SLCO1B1: variants seen among roughly 807,000 people sequenced by gnomAD.
SLCO1B1 encodes the protein solute carrier organic anion transporter family member 1B1.
A neutral mutation model predicts 70.1 loss-of-function variants in SLCO1B1; 81 were observed. The ratio of observed to expected loss-of-function variants is 1.16; its 90% CI spans 0.97 to 1.39. The LOEUF (loss-of-function observed/expected upper bound fraction) is 1.39, where lower values mean the gene tolerates loss of function less well. Ranked by LOEUF, SLCO1B1 falls within the 40% of genes most tolerant of loss-of-function variation. SLCO1B1 has a pLI of 0.00. For missense variants in SLCO1B1, 895 were observed against 799.6 expected, an observed-to-expected ratio of 1.12 and a Z score of -1.44; for synonymous variants, 283 against 271.5, an observed-to-expected ratio of 1.04 and a Z score of -0.42.
At chr12:21,182,406 T>C (rs186626404) in intron 7 of SLCO1B1, among the ~76,000 whole-genome samples, 7 of 152,284 alleles carry the variant, frequency 4.6e-5, no homozygotes, top group African/African-American at 1.2e-4. Context: ...AACGCAGCCA[T>C]AGGCGCCCAA....
chr12:21,217,733 A>G (rs1479849361), intron 12 of SLCO1B1, among the ~76,000 whole-genome samples: 1 of 152,188 alleles, frequency 6.6e-6, no homozygotes, highest in Admixed American at 6.5e-5. Flanking sequence ...ATAACATTCC[A>G]AAACTTTTAA....
chr12:21,175,812 C>T (rs910115662), intron 4 of SLCO1B1, among the ~76,000 whole-genome samples: 1 of 151,856 alleles, frequency 6.6e-6, no homozygotes, highest in Non-Finnish European at 1.5e-5. Context: ...ATTTATGATT[C>T]TTCATGAGTT....
chr12:21,131,804 A>T (rs902003902), intron 1 of SLCO1B1, among the ~76,000 whole-genome samples: 4 of 152,082 alleles, frequency 2.6e-5, no homozygotes, highest in African/African-American at 7.2e-5. Flanking sequence ...TTAAATAAGC[A>T]AAAAGTCTTC....
intron 11 of SLCO1B1, among the ~76,000 whole-genome samples, chr12:21,214,908 C>T (rs1490120867): frequency 2.0e-5 from 3 of 151,914 alleles, no homozygotes; most frequent in Non-Finnish European, 4.4e-5. Flanking sequence ...GGCAATGCCT[C>T]GCCCTGCTTC....
chr12:21,177,610 G>A (rs1218721793), intron 5 of SLCO1B1, among the ~76,000 whole-genome samples: 2 of 151,938 alleles, frequency 1.3e-5, no homozygotes, highest in Non-Finnish European at 1.5e-5. Flanking sequence ...TCTTTCTGGA[G>A]ATTCATTATC....
At chr12:21,147,449 C>A (rs923931016) in intron 2 of SLCO1B1, among the ~76,000 whole-genome samples, 1 of 152,150 alleles carries the variant, frequency 6.6e-6, no homozygotes, top group Non-Finnish European at 1.5e-5. Flanking sequence ...CAACCCCCAA[C>A]AGGTGCTGGT....
chr12:21,179,916 A>C (rs1940873127), intron 7 of SLCO1B1, among the ~76,000 whole-genome samples: 1 of 152,084 alleles, frequency 6.6e-6, no homozygotes, highest in Non-Finnish European at 1.5e-5. Context: ...AGAACCAAGC[A>C]CCTAGGAAAA....
At chr12:21,157,341 G>C (rs1164633239) in intron 2 of SLCO1B1, among the ~76,000 whole-genome samples, 1 of 152,092 alleles carries the variant, frequency 6.6e-6, no homozygotes, top group Middle Eastern at 3.4e-3. Context: ...ATTAGGTATA[G>C]AAACCTACAT....
chr12:21,165,866 A>C lies in SLCO1B1; in HGVS notation c.85-6784A>C, dbSNP rs527305854. On this transcript the variant is annotated intron_variant, in intron 2 of 14. Transcript: ENST00000256958. ...TGTGAGAAATAAATGTTTGTTGTTT[A>C]AGCCATCCGTTCCATCATAATTTGT... 4.6e-5 allele frequency among the ~76,000 whole-genome samples: 7 copies of C among 152,280 alleles called. No homozygotes were observed. In the South Asian group the frequency reaches 1.5e-3, roughly 32 times the overall value.
chr12:21,192,995 T>G (rs1471910896), intron 7 of SLCO1B1, among the ~76,000 whole-genome samples: 1 of 152,144 alleles, frequency 6.6e-6, no homozygotes, highest in African/African-American at 2.4e-5. Flanking sequence ...GTATCCATAT[T>G]TTTAAAATTT....
intron 14 of SLCO1B1, among the ~76,000 whole-genome samples, chr12:21,231,670 T>C (rs1941540208): frequency 6.6e-6 from 1 of 151,856 alleles, no homozygotes; most frequent in Non-Finnish European, 1.5e-5. Flanking sequence ...CACATATATA[T>C]ACATATATGT....
intron 14 of SLCO1B1, among the ~76,000 whole-genome samples, chr12:21,227,576 T>C (rs892705167): frequency 6.6e-6 from 1 of 152,116 alleles, no homozygotes; most frequent in African/African-American, 2.4e-5. Flanking sequence ...AGAAAATGTC[T>C]CACAAAATGG....
chr12:21,170,136 ATT>A (rs1395977968), intron 2 of SLCO1B1, among the ~76,000 whole-genome samples: 1 of 152,116 alleles, frequency 6.6e-6, no homozygotes, highest in African/African-American at 2.4e-5. Context: ...CAAAGACCGC[ATT>A]TTTATTAGTA....
chr12:21,147,378 C>T (rs568294566), intron 2 of SLCO1B1, among the ~76,000 whole-genome samples: 1 of 152,240 alleles, frequency 6.6e-6, no homozygotes, highest in East Asian at 1.9e-4. Flanking sequence ...TGGTGGTTTG[C>T]TGCACCCATC....
intron 8 of SLCO1B1, among the ~76,000 whole-genome samples, chr12:21,198,661 G>T (rs930352457): frequency 2.6e-5 from 4 of 152,018 alleles, no homozygotes; most frequent in Non-Finnish European, 4.4e-5. Flanking sequence ...AAAAAATATT[G>T]AATTTATTCC....
At chr12:21,196,835 T>A (rs750385175) in intron 7 of SLCO1B1, 111 bp from the exon 8 acceptor site, 19 of 1,119,916 alleles carry the variant, frequency 1.7e-5, no homozygotes, top group Non-Finnish European at 2.4e-5. Flanking sequence ...AAGAAAAAAA[T>A]CGTGTCTTGG....
chr12:21,213,424 C>G (rs1300613093), intron 11 of SLCO1B1, among the ~76,000 whole-genome samples: 1 of 151,176 alleles, frequency 6.6e-6, no homozygotes, highest in Non-Finnish European at 1.5e-5. Context: ...GGGTTTCTGC[C>G]GAGAGATCCG....
intron 2 of SLCO1B1, among the ~76,000 whole-genome samples, chr12:21,159,975 GAAAC>G (rs974029479): frequency 2.7e-4 from 41 of 151,916 alleles, no homozygotes; most frequent in East Asian, 5.8e-4. Context: ...AATTAGAGAT[GAAAC>G]AAACAAAGAG....
intron 10 of SLCO1B1, among the ~76,000 whole-genome samples, chr12:21,205,023 A>T (rs551165212): frequency 6.6e-6 from 1 of 151,976 alleles, no homozygotes; most frequent in African/African-American, 2.4e-5. Flanking sequence ...GTATTTCCTC[A>T]AGCAGAATAT....
Sources: gnomAD v4.1 joint callset for allele counts (sites outside exome capture counted in the v4.1 genomes callset) on GRCh38, gnomAD v4.1.1 for gene constraint, MANE v1.5 for transcripts, NCBI Gene and HGNC (gene_info 2026-07-23, HGNC 2026-07-21) for gene names.